Variants in SS18 observed in about 807,000 individuals in gnomAD.
The protein encoded by SS18 is SS18 subunit of BAF chromatin remodeling complex, also known as protein SSXT.
SS18 carries 28 observed loss-of-function variants against 72.5 expected under a neutral mutation model. The ratio of observed to expected loss-of-function variants is 0.39; its 90% CI spans 0.29 to 0.53. SS18 has a LOEUF of 0.53. SS18 is among the 20% of genes least tolerant of loss of function. The pLI, the probability that SS18 is intolerant of heterozygous loss-of-function variation, is 0.76. For missense variants in SS18, 518 were observed against 535.3 expected (o/e 0.97, Z 0.32); for synonymous variants, 172 against 164.2 (o/e 1.05, Z -0.37).
chr18:26,055,798 G>A (rs1323643232), intron 4 of SS18, among the ~76,000 whole-genome samples: 9 of 137,244 alleles, frequency 6.6e-5, no homozygotes, highest in African/African-American at 1.6e-4. Context: ...TCACTCTGTC[G>A]CCAGGCTGGG....
At chr18:26,053,333 T>TA (rs1242398149) in intron 4 of SS18, among the ~76,000 whole-genome samples, 2 of 150,534 alleles carry the variant, frequency 1.3e-5, no homozygotes, top group African/African-American at 5.0e-5. Flanking sequence ...TTTGTTCCAC[T>TA]AACTAATTCT....
intron 3 of SS18, among the ~76,000 whole-genome samples, chr18:26,060,010 A>C (rs2054091024): frequency 6.6e-6 from 1 of 152,246 alleles, no homozygotes; most frequent in African/African-American, 2.4e-5. Context: ...CAAGAACTTA[A>C]ACAGTTACCA....
At chr18:26,050,974 T>C (rs901663356) in intron 5 of SS18, among the ~76,000 whole-genome samples, 2 of 152,176 alleles carry the variant, frequency 1.3e-5, no homozygotes, top group African/African-American at 4.8e-5. Flanking sequence ...TATTTTCTTT[T>C]TGAAAATTGT....
intron 3 of SS18, among the ~76,000 whole-genome samples, chr18:26,060,024 G>A (rs536812928): frequency 1.3e-5 from 2 of 152,312 alleles, no homozygotes; most frequent in South Asian, 4.1e-4. Context: ...GTTACCATAT[G>A]ATCTAGCAAC....
chr18:26,080,418 A>C (rs1171741430), intron 2 of SS18: 2 of 984,948 alleles, frequency 2.0e-6, no homozygotes, highest in African/African-American at 3.5e-5. Context: ...TGGTTTATTC[A>C]TGACCCTTTA....
intron 2 of SS18, among the ~76,000 whole-genome samples, chr18:26,086,806 T>A (rs2054623012): frequency 6.6e-6 from 1 of 152,220 alleles, no homozygotes; most frequent in Non-Finnish European, 1.5e-5. Context: ...ATACCCTATA[T>A]AAATGAAGAT....
chr18:26,090,647 C>G (rs2054711477), upstream of SS18: 2 of 1,422,810 alleles, frequency 1.4e-6, no homozygotes, highest in Non-Finnish European at 1.9e-6. Flanking sequence ...GCCGGCCTCT[C>G]GGGCTGAACC....
chr18:26,043,087 C>T (rs543961452), intron 5 of SS18, among the ~76,000 whole-genome samples: 1 of 152,190 alleles, frequency 6.6e-6, no homozygotes, highest in East Asian at 1.9e-4. Context: ...TTCCCCAAAG[C>T]CCTATGAAAC....
At chr18:26,076,100 C>A (rs190623548) in intron 3 of SS18, among the ~76,000 whole-genome samples, 1 of 151,794 alleles carries the variant, frequency 6.6e-6, no homozygotes, top group Admixed American at 6.6e-5. Context: ...GCAATGCTCA[C>A]GATTTGGAAA....
chr18:26,039,532 TTTATC>T, intron 5 of SS18, 76 bp from the exon 6 acceptor site: 3 of 1,359,674 alleles, frequency 2.2e-6, no homozygotes, highest in Non-Finnish European at 3.0e-6. Flanking sequence ...AAGATAATCT[TTTATC>T]ATATAGTCCC....
intron 3 of SS18, among the ~76,000 whole-genome samples, chr18:26,060,771 CA>C (rs60999827): frequency 2.3e-4 from 9 of 39,606 alleles, no homozygotes; most frequent in African/African-American, 4.8e-4. Context: ...CTAAAAATAC[CA>C]AAAAAAAAAA....
At chr18:26,036,626 TC>T (rs1229064941) in intron 7 of SS18, among the ~76,000 whole-genome samples, 5 of 152,144 alleles carry the variant, frequency 3.3e-5, no homozygotes, top group African/African-American at 1.2e-4. Flanking sequence ...ATACTCTCAC[TC>T]TTTTTTTTAA....
chr18:26,086,156 G>A (rs904862309), intron 2 of SS18: 5 of 152,122 alleles, frequency 3.3e-5, no homozygotes, highest in Non-Finnish European at 7.3e-5. Flanking sequence ...GCAATCTAGA[G>A]AATATTTAAA....
chr18:26,037,708 A>C (rs959421024), intron 7 of SS18, among the ~76,000 whole-genome samples: 2 of 152,112 alleles, frequency 1.3e-5, no homozygotes, highest in African/African-American at 4.8e-5. Flanking sequence ...TATTTACATC[A>C]AAGGATCATA....
chr18:26,073,318 CTT>C (rs1222968974), intron 3 of SS18, among the ~76,000 whole-genome samples: 2 of 151,798 alleles, frequency 1.3e-5, no homozygotes, highest in African/African-American at 2.4e-5. Context: ...TAGAGGAAAA[CTT>C]ATGTCCATTT....
chr18:26,050,582 A>G (rs2053904078), intron 5 of SS18, among the ~76,000 whole-genome samples: 1 of 152,170 alleles, frequency 6.6e-6, no homozygotes, highest in African/African-American at 2.4e-5. Context: ...ATATGATTAA[A>G]AAACTAGGTG....
chr18:26,029,308 C>T (rs1006232900), intron 10 of SS18, among the ~76,000 whole-genome samples: 1 of 152,162 alleles, frequency 6.6e-6, no homozygotes, highest in Non-Finnish European at 1.5e-5. Flanking sequence ...TTACTTAAAA[C>T]ACCACAGGGT....
intron 5 of SS18, 23 bp downstream of exon 5, chr18:26,052,601 A>G: frequency 6.3e-7 from 1 of 1,582,226 alleles, no homozygotes; most frequent in Non-Finnish European, 8.7e-7. Flanking sequence ...ACTCTAGTCA[A>G]GAAGGACATA....
chr18:26,081,501 T>C (rs1415865516), intron 2 of SS18: 1 of 152,066 alleles, frequency 6.6e-6, no homozygotes, highest in East Asian at 1.9e-4. Context: ...CAATTAAACA[T>C]ATTCTAAGAT....
Sources: allele counts gnomAD v4.1 joint callset (sites outside exome capture counted in the v4.1 genomes callset), GRCh38; gene constraint gnomAD v4.1.1; transcripts MANE v1.5; gene names NCBI Gene and HGNC (gene_info 2026-07-23, HGNC 2026-07-21).